Variants in TMEM254 observed in about 807,000 individuals in gnomAD.
TMEM254 encodes transmembrane protein 254.
TMEM254 carries 16 observed loss-of-function variants against 13.9 expected under a neutral mutation model. The observed-to-expected ratio is 1.15, with a 90% CI of 0.78 to 1.75. The LOEUF (loss-of-function observed/expected upper bound fraction) is 1.75, where lower values mean the gene tolerates loss of function less well. Among genes scored for constraint, TMEM254 ranks in the 40% most tolerant of loss-of-function variants. The pLI, the probability that TMEM254 is intolerant of heterozygous loss-of-function variation, is 0.00. For missense variants in TMEM254, 155 were observed against 149.0 expected (o/e 1.04, Z -0.21); for synonymous variants, 61 against 56.4 (o/e 1.08, Z -0.36).
chr10:80,090,774 A>T, intron 3 of TMEM254, 23 bp from the exon 4 acceptor site: 1 of 1,602,522 alleles, frequency 6.2e-7, no homozygotes, highest in African/African-American at 1.3e-5. Flanking sequence ...TCTCGTGTTT[A>T]AATTTTGTTT....
intron 1 of TMEM254, 98 bp from the exon 2 acceptor site, chr10:80,081,742 GT>G (rs761446989): frequency 2.2e-5 from 36 of 1,609,460 alleles, no homozygotes; most frequent in Non-Finnish European, 2.9e-5. Flanking sequence ...TCGGTCTGTG[GT>G]AATTTTTTTA....
chr10:80,087,756 C>T (rs1279526051), intron 3 of TMEM254, among the ~76,000 whole-genome samples: 3 of 152,132 alleles, frequency 2.0e-5, no homozygotes, highest in South Asian at 2.1e-4. Context: ...TATGATAGTG[C>T]CCATTTCCCC....
intron 3 of TMEM254, chr10:80,090,443 C>T (rs1278564753): frequency 1.4e-5 from 10 of 717,348 alleles, no homozygotes; most frequent in East Asian, 1.3e-4. Context: ...TAGGTAGCCA[C>T]GCTAGGATTT....
intron 3 of TMEM254, among the ~76,000 whole-genome samples, chr10:80,089,210 T>G (rs949567683): frequency 9.2e-5 from 14 of 152,202 alleles, no homozygotes; most frequent in African/African-American, 3.4e-4. Context: ...CTTATTCTAC[T>G]AGCTAGAACT....
Position 80,087,658 on chromosome 10 carries a change from A to C in TMEM254, c.252-3139A>C, listed in dbSNP as rs74975055. On this transcript the variant is annotated intron_variant, in intron 3 of 3. Transcript: ENST00000372281. Reference sequence around the variant, plus strand: ...ACAGAGCAAGACTCTGCCTAAAAATAAAACGAATGACTACTTTAAATTAAA... The same window carrying C: ...ACAGAGCAAGACTCTGCCTAAAAATCAAACGAATGACTACTTTAAATTAAA... Among the ~76,000 whole-genome samples, 416 of 152,288 alleles carry C rather than the reference A, an allele frequency of 2.7e-3. 3 individuals carry two copies. The highest frequency in any genetic ancestry group is 9.6e-3 in the African/African-American group (398 of 41,560).
intron 1 of TMEM254, 86 bp downstream of exon 1, chr10:80,078,872 C>A: frequency 6.5e-7 from 1 of 1,533,450 alleles, no homozygotes; most frequent in South Asian, 1.2e-5. Context: ...GGCCGCGGGC[C>A]GGGGGAAGTC....
intron 3 of TMEM254, chr10:80,090,541 TCTTATAATACTGTGCCCTAGA>T: frequency 1.5e-6 from 1 of 688,996 alleles, no homozygotes; most frequent in East Asian, 2.7e-5. Flanking sequence ...TGAGAAACAG[TCTTATAATACTGTGCCCTAGA>T]CAGTAGCCAG....
At chr10:80,089,573 G>A (rs1243178071) in intron 3 of TMEM254, among the ~76,000 whole-genome samples, 1 of 152,184 alleles carries the variant, frequency 6.6e-6, no homozygotes, top group Admixed American at 6.5e-5. Flanking sequence ...AGCTACTTGG[G>A]AAGCTAAGGT....
chr10:80,086,551 A>C, intron 3 of TMEM254: 1 of 190,572 alleles, frequency 5.2e-6, no homozygotes. Context: ...AGCTAATAAA[A>C]TTGAAAGTTG....
At chr10:80,078,914 G>A (rs1843791722) in intron 1 of TMEM254, 128 bp downstream of exon 1, 1 of 1,519,644 alleles carries the variant, frequency 6.6e-7, no homozygotes, top group Admixed American at 2.0e-5. Context: ...CCGCGCGCTA[G>A]GAGCGGAGGG....
chr10:80,078,692 T>C lies in TMEM254; in HGVS notation c.-8T>C, dbSNP rs1256700441. 2 of 1,595,270 alleles carry C rather than the reference T, an allele frequency of 1.3e-6. No individual in the cohort carries two copies. Among genetic ancestry groups the C allele is most frequent in the Non-Finnish European group, 1.7e-6 (2 of 1,173,104 alleles). On this transcript the variant is annotated 5_prime_UTR_variant, in exon 1 of 4. Transcript: ENST00000372281. ...CCTGAAGCGCGCTCCCGGGGAGGTG[T>C]TGCAGCCATGGCTACGGCAGCCGGC...
chr10:80,079,545 G>A (rs1843858960), intron 1 of TMEM254: 2 of 1,013,612 alleles, frequency 2.0e-6, no homozygotes, highest in South Asian at 3.9e-5. Context: ...GGATGGGTAG[G>A]ATTTAAGTGG....
intron 1 of TMEM254, among the ~76,000 whole-genome samples, chr10:80,080,049 C>T (rs965002661): frequency 2.6e-5 from 4 of 152,214 alleles, no homozygotes; most frequent in Admixed American, 6.5e-5. Flanking sequence ...AACCTATGTC[C>T]TGATTTCCCC....
chr10:80,089,135 C>T (rs757835438), intron 3 of TMEM254, among the ~76,000 whole-genome samples: 8 of 152,008 alleles, frequency 5.3e-5, no homozygotes, highest in Non-Finnish European at 1.2e-4. Flanking sequence ...AGGTATAAAA[C>T]TGTCCAGAAA....
rs1011981900 is a variant in TMEM254, at chr10:80,092,111, A to T, written c.*1194A>T. ...GCAGAATGACTCTGTCACCACTAGG[A>T]GCCATTAGGGCTTCTTCCCTGGAGG... On this transcript the variant is annotated 3_prime_UTR_variant, in exon 4 of 4. Transcript: ENST00000372281. 6.6e-6 allele frequency: 1 copy of T among 152,190 alleles called. No individual in the cohort carries two copies. Among genetic ancestry groups the T allele is most frequent in the Non-Finnish European group, 1.5e-5 (1 of 68,040 alleles). 9.4% of individuals were successfully genotyped at this position (152,190 alleles called of 1,614,324 possible). A position where few individuals can be genotyped will look rare whatever the true frequency, so the allele number is the denominator to read the frequency against.
At position 80,082,336 on chromosome 10, in the gene TMEM254, G is replaced by C. The variant is rs1169100504; in HGVS notation, c.251+132G>C. 5.0e-6 allele frequency: 5 copies of C among 998,728 alleles called. No homozygotes were observed. In the South Asian group the frequency reaches 7.5e-5, roughly 15 times the overall value. 61.9% of individuals were successfully genotyped at this position (998,728 alleles called of 1,614,324 possible). A position where few individuals can be genotyped will look rare whatever the true frequency, so the allele number is the denominator to read the frequency against. ...AGGGTAGAGCGGAATCCCCATGCCT[G>C]ATACTGAGCCTGGAGCAGAGGCAGT... is the stretch of plus-strand genomic sequence containing the variant. On this transcript the variant is annotated intron_variant, in intron 3 of 3. Transcript: ENST00000372281.
chr10:80,088,158 G>T (rs728616), intron 3 of TMEM254, among the ~76,000 whole-genome samples: 16,352 of 151,826 alleles, frequency 0.11, 1,060 homozygotes, highest in South Asian at 0.21. Flanking sequence ...CATACATACT[G>T]ATATGTGTGG....
At chr10:80,087,522 G>A (rs1443374143) in intron 3 of TMEM254, among the ~76,000 whole-genome samples, 7 of 151,632 alleles carry the variant, frequency 4.6e-5, no homozygotes, top group South Asian at 2.1e-4. Context: ...GCGTGGTAGC[G>A]GGCACCTGTA....
At position 80,091,049 on chromosome 10, in the gene TMEM254, C is replaced by T; in HGVS notation, c.*132C>T. On this transcript the variant is annotated 3_prime_UTR_variant, in exon 4 of 4. Coordinates refer to ENST00000372281, the MANE Select transcript of TMEM254 (RefSeq NM_025125.4). Reference sequence around the variant, plus strand: ...ACTGTCCTTCAAAGCTCTTTAAGACCCCCTCGTTAGTCAGTTTTTTCTCTT... The same window carrying T: ...ACTGTCCTTCAAAGCTCTTTAAGACTCCCTCGTTAGTCAGTTTTTTCTCTT... The T allele has an allele frequency of 8.3e-7, 1 of 1,199,844 alleles. No individual in the cohort carries two copies. Among genetic ancestry groups the T allele is most frequent in the Admixed American group, 2.5e-5 (1 of 40,170 alleles). 74.3% of individuals were successfully genotyped at this position (1,199,844 alleles called of 1,614,324 possible).
Sources: gnomAD v4.1 joint callset for allele counts (sites outside exome capture counted in the v4.1 genomes callset) on GRCh38, gnomAD v4.1.1 for gene constraint, MANE v1.5 for transcripts, NCBI Gene and HGNC (gene_info 2026-07-23, HGNC 2026-07-21) for gene names.